FAT3: variants seen among roughly 807,000 people sequenced by gnomAD.
FAT3 encodes protocadherin Fat 3.
FAT3 carries 95 observed loss-of-function variants against 310.2 expected under a neutral mutation model. The ratio of observed to expected loss-of-function variants is 0.31; its 90% CI spans 0.26 to 0.36. The LOEUF is 0.36. Among genes scored for constraint, FAT3 ranks in the 10% least tolerant of loss-of-function variants. FAT3 has a pLI of 1.00. For synonymous variants in FAT3, 2,314 were observed against 2,192.9 expected, an observed-to-expected ratio of 1.06 and a Z score of -1.54; for missense variants, 5,408 against 5,715.6, an observed-to-expected ratio of 0.95 and a Z score of 1.74.
At chr11:92,851,727 G>A (rs1182535903) in intron 19 of FAT3, among the ~76,000 whole-genome samples, 3 of 152,060 alleles carry the variant, frequency 2.0e-5, no homozygotes, top group African/African-American at 7.2e-5. Context: ...CGAAGATGCA[G>A]AGCATGTCAG....
chr11:92,423,051 C>T (rs1316839584), intron 2 of FAT3, among the ~76,000 whole-genome samples: 1 of 152,162 alleles, frequency 6.6e-6, no homozygotes, highest in Non-Finnish European at 1.5e-5. Context: ...TGTGTTTACA[C>T]TAAAAGCATT....
At chr11:92,242,519 A>C (rs180687274) in intron 1 of FAT3, among the ~76,000 whole-genome samples, 1 of 152,056 alleles carries the variant, frequency 6.6e-6, no homozygotes, top group Admixed American at 6.6e-5. Flanking sequence ...AAATGTTCTC[A>C]GGAGCCTATT....
chr11:92,691,168 T>C (rs533110034), intron 3 of FAT3, among the ~76,000 whole-genome samples: 2 of 152,274 alleles, frequency 1.3e-5, no homozygotes, highest in South Asian at 4.1e-4. Context: ...CTGTACATTC[T>C]TCACACTGAA....
At chr11:92,621,641 A>G (rs1445690836) in intron 3 of FAT3, among the ~76,000 whole-genome samples, 2 of 152,170 alleles carry the variant, frequency 1.3e-5, no homozygotes, top group East Asian at 1.9e-4. Context: ...TTTAGCATTA[A>G]TGATCAGGAT....
intron 6 of FAT3, among the ~76,000 whole-genome samples, chr11:92,771,876 G>A (rs148857494): frequency 7.2e-5 from 11 of 152,146 alleles, no homozygotes; most frequent in Admixed American, 3.3e-4. Flanking sequence ...AAGCACGTGC[G>A]ATGATTATGT....
intron 2 of FAT3, among the ~76,000 whole-genome samples, chr11:92,517,887 T>A (rs907758783): frequency 6.6e-6 from 1 of 152,150 alleles, no homozygotes; most frequent in Non-Finnish European, 1.5e-5. Context: ...TCATCACTGG[T>A]CATTAGAGAA....
chr11:92,612,944 A>G (rs1253492567), intron 3 of FAT3, among the ~76,000 whole-genome samples: 2 of 152,216 alleles, frequency 1.3e-5, no homozygotes, highest in East Asian at 3.8e-4. Flanking sequence ...TTCAGTATGC[A>G]TGTGTGCTAT....
intron 1 of FAT3, among the ~76,000 whole-genome samples, chr11:92,322,039 A>G (rs1947632840): frequency 6.6e-6 from 1 of 152,178 alleles, no homozygotes; most frequent in South Asian, 2.1e-4. Context: ...GCTGAAAATC[A>G]GACTCTGGTT....
At chr11:92,404,994 C>T (rs1243967424) in intron 2 of FAT3, among the ~76,000 whole-genome samples, 1 of 152,064 alleles carries the variant, frequency 6.6e-6, no homozygotes, top group Non-Finnish European at 1.5e-5. Flanking sequence ...CACCGACTTT[C>T]CTGGGCCTCC....
chr11:92,287,823 G>A (rs1188147065), intron 1 of FAT3, among the ~76,000 whole-genome samples: 2 of 152,150 alleles, frequency 1.3e-5, no homozygotes, highest in Non-Finnish European at 2.9e-5. Flanking sequence ...TTCCCAGGTA[G>A]CAGCTCTTCT....
chr11:92,425,123 T>G (rs1338865261), intron 2 of FAT3, among the ~76,000 whole-genome samples: 1 of 152,200 alleles, frequency 6.6e-6, no homozygotes. Flanking sequence ...CTTTGGGTTT[T>G]TTTCCATTTC....
At chr11:92,450,086 C>T (rs1001793602) in intron 2 of FAT3, among the ~76,000 whole-genome samples, 1 of 152,186 alleles carries the variant, frequency 6.6e-6, no homozygotes, top group African/African-American at 2.4e-5. Context: ...GAGGCCAATG[C>T]TGCCCCTGCA....
At chr11:92,634,587 C>T (rs1247256863) in intron 3 of FAT3, among the ~76,000 whole-genome samples, 2 of 152,198 alleles carry the variant, frequency 1.3e-5, no homozygotes, top group African/African-American at 2.4e-5. Flanking sequence ...CGCAGGGCTT[C>T]TTGCAGACTT....
chr11:92,673,789 C>T (rs1943203030), intron 3 of FAT3, among the ~76,000 whole-genome samples: 1 of 151,936 alleles, frequency 6.6e-6, no homozygotes, highest in South Asian at 2.1e-4. Context: ...GGAGATGGTC[C>T]CAAATCTGAA....
chr11:92,259,419 C>T (rs1351511220), intron 1 of FAT3, among the ~76,000 whole-genome samples: 1 of 151,862 alleles, frequency 6.6e-6, no homozygotes, highest in Non-Finnish European at 1.5e-5. Flanking sequence ...TAATTTTGAG[C>T]AGCACATACA....
At chr11:92,746,879 T>C (rs1030458618) in intron 4 of FAT3, among the ~76,000 whole-genome samples, 2 of 152,220 alleles carry the variant, frequency 1.3e-5, no homozygotes, top group African/African-American at 4.8e-5. Context: ...ATCCAGGTCA[T>C]GCTGATACAA....
intron 13 of FAT3, among the ~76,000 whole-genome samples, chr11:92,828,691 A>C (rs1443067122): frequency 1.3e-5 from 2 of 152,158 alleles, no homozygotes; most frequent in African/African-American, 2.4e-5. Flanking sequence ...TAAAATTAAC[A>C]GAATCTGCCC....
intron 2 of FAT3, among the ~76,000 whole-genome samples, chr11:92,444,098 A>T (rs1317179306): frequency 6.6e-6 from 1 of 152,228 alleles, no homozygotes; most frequent in Admixed American, 6.5e-5. Flanking sequence ...ATCTTAATTC[A>T]TATCTCTAAA....
chr11:92,707,080 G>A (rs978187664), intron 4 of FAT3, among the ~76,000 whole-genome samples: 1 of 152,146 alleles, frequency 6.6e-6, no homozygotes, highest in African/African-American at 2.4e-5. Flanking sequence ...TATTGGGAGA[G>A]TTGTCTGGAA....
Sources: gnomAD v4.1 joint callset for allele counts (sites outside exome capture counted in the v4.1 genomes callset) on GRCh38, gnomAD v4.1.1 for gene constraint, MANE v1.5 for transcripts, NCBI Gene and HGNC (gene_info 2026-07-23, HGNC 2026-07-21) for gene names.